Variants in USH2A observed in about 807,000 individuals in gnomAD.
USH2A encodes the protein usherin.
Under a neutral mutation model 538.9 loss-of-function variants are expected in USH2A, and 443 were observed. That is an observed-to-expected ratio of 0.82 (90% CI 0.76 to 0.89). USH2A has a LOEUF of 0.89. Ranked by LOEUF, USH2A falls within the 40% of genes least tolerant of loss-of-function variation. USH2A has a pLI of 0.00. For missense variants in USH2A, 6,633 were observed against 6,324.8 expected (o/e 1.05, Z -1.65); for synonymous variants, 2,413 against 2,273.5 (o/e 1.06, Z -1.75).
At chr1:215,781,822 T>C (rs1055379984) in intron 54 of USH2A, among the ~76,000 whole-genome samples, 2 of 152,200 alleles carry the variant, frequency 1.3e-5, no homozygotes, top group African/African-American at 4.8e-5. Flanking sequence ...TTGTTTTTCA[T>C]TAACACAAGA....
chr1:216,334,566 T>C (rs1046425872), intron 4 of USH2A, among the ~76,000 whole-genome samples: 1 of 151,860 alleles, frequency 6.6e-6, no homozygotes, highest in Non-Finnish European at 1.5e-5. Context: ...TGACCCCCTA[T>C]AGGAGTTCTG....
At chr1:216,014,601 C>T (rs1039370876) in intron 32 of USH2A, among the ~76,000 whole-genome samples, 2 of 152,144 alleles carry the variant, frequency 1.3e-5, no homozygotes, top group Non-Finnish European at 2.9e-5. Context: ...TTGTAAGAGC[C>T]CCTGAGCAAC....
intron 21 of USH2A, among the ~76,000 whole-genome samples, chr1:216,151,388 A>G: frequency 6.6e-6 from 1 of 152,036 alleles, no homozygotes; most frequent in Non-Finnish European, 1.5e-5. Context: ...CTTACCCCCA[A>G]AATTCAATTT....
At chr1:215,882,391 A>T (rs1664934732) in intron 41 of USH2A, among the ~76,000 whole-genome samples, 1 of 152,008 alleles carries the variant, frequency 6.6e-6, no homozygotes, top group Admixed American at 6.6e-5. Context: ...AAAAATTCAT[A>T]CAGAACAAGA....
intron 56 of USH2A, 90 bp from the exon 57 acceptor site, chr1:215,759,933 T>C: frequency 6.7e-7 from 1 of 1,486,968 alleles, no homozygotes. Flanking sequence ...AACTGTGATA[T>C]TTTTTCTGTT....
At position 215,671,269 on chromosome 1, in the gene USH2A, G is replaced by C. The variant is rs772791856; in HGVS notation, c.13836C>G (p.Cys4612Trp). 2 of 1,614,004 alleles carry C rather than the reference G, an allele frequency of 1.2e-6. No homozygotes were observed. Among genetic ancestry groups the C allele is most frequent in the Non-Finnish European group, 1.7e-6 (2 of 1,179,992 alleles). Residue 4612 changes from cysteine (C) to tryptophan (W), a missense_variant, in exon 64 of 72, where the codon TGC becomes TGG. By Grantham distance (215) the Cys-to-Trp change is radical. Coordinates refer to ENST00000307340, the MANE Select transcript of USH2A (RefSeq NM_206933.4). ...FHRYEIRIQA[C>W]TTLGCASSDW... ...CACTTGATGCACATCCCAGGGTGGT[G>C]CACGCTTGAATTCGTATTTCATACC...
intron 59 of USH2A, 66 bp downstream of exon 59, chr1:215,743,111 T>A: frequency 6.4e-7 from 1 of 1,569,262 alleles, no homozygotes. Context: ...TATTCCTTTT[T>A]AATGAAATTT....
At chr1:216,320,961 C>T (rs1316528307) in intron 9 of USH2A, among the ~76,000 whole-genome samples, 1 of 151,856 alleles carries the variant, frequency 6.6e-6, no homozygotes, top group South Asian at 2.1e-4. Context: ...TTCATAGCTC[C>T]AGATGTTTGT....
intron 12 of USH2A, among the ~76,000 whole-genome samples, chr1:216,250,437 A>AT (rs1320859276): frequency 6.6e-6 from 1 of 152,118 alleles, no homozygotes; most frequent in Non-Finnish European, 1.5e-5. Context: ...GTTCAAAGAA[A>AT]TATAACAGAA....
rs1668799540 is a variant in USH2A at position 216,019,618 on chromosome 1, A to G, written c.6326-19056T>C. On this transcript the variant is annotated intron_variant, in intron 32 of 71. Transcript: ENST00000307340. Reference sequence around the variant, plus strand: ...TAAATTCTCTACTGTATGTCTATTTAATAAAAACAACTTGGCAATCAGAAT... The same window carrying G: ...TAAATTCTCTACTGTATGTCTATTTGATAAAAACAACTTGGCAATCAGAAT... 2.6e-5 allele frequency among the ~76,000 whole-genome samples: 4 copies of G among 152,162 alleles called. No homozygotes were observed. The South Asian group carries it at 8.3e-4, about 32-fold the overall frequency.
intron 4 of USH2A, among the ~76,000 whole-genome samples, chr1:216,336,261 C>T (rs1289266229): frequency 6.6e-6 from 1 of 151,300 alleles, no homozygotes; most frequent in Non-Finnish European, 1.5e-5. Context: ...ACTTCCTCAT[C>T]TAATAAAGGG....
chr1:216,370,696 A>AAAAAAAAAAAAAAAAAAAG (rs2038696448), intron 3 of USH2A, among the ~76,000 whole-genome samples: 1 of 150,714 alleles, frequency 6.6e-6, no homozygotes, highest in African/African-American at 2.4e-5. Flanking sequence ...AAAAAAAAAA[A>AAAAAAAAAAAAAAAAAAAG]AAAAAATACT....
At chr1:215,641,967 C>G (rs1037017734) in intron 67 of USH2A, among the ~76,000 whole-genome samples, 9 of 152,152 alleles carry the variant, frequency 5.9e-5, no homozygotes, top group African/African-American at 2.2e-4. Context: ...ACAAGGAATA[C>G]TCTATTGTTA....
At chr1:216,093,576 C>T (rs1276250313) in intron 22 of USH2A, among the ~76,000 whole-genome samples, 1 of 152,150 alleles carries the variant, frequency 6.6e-6, no homozygotes, top group Non-Finnish European at 1.5e-5. Flanking sequence ...GACCCCTTTA[C>T]CCTCCTATCC....
intron 32 of USH2A, among the ~76,000 whole-genome samples, chr1:216,038,804 C>G (rs1263011298): frequency 6.6e-6 from 1 of 151,984 alleles, no homozygotes; most frequent in Admixed American, 6.6e-5. Context: ...AATAACAGGA[C>G]ACCTCTATTT....
chr1:216,353,604 T>G (rs534680742), intron 4 of USH2A, among the ~76,000 whole-genome samples: 1 of 152,130 alleles, frequency 6.6e-6, no homozygotes, highest in Non-Finnish European at 1.5e-5. Flanking sequence ...CCAAGTAATA[T>G]GCACCTTTTT....
rs150982499 is a variant in USH2A at position 216,084,826 on chromosome 1, T to C, written c.5039A>G (p.Lys1680Arg). Residue 1680 changes from lysine to arginine, a missense_variant, in exon 25 of 72, where the codon AAG (lysine) becomes AGG (arginine). Physicochemically the swap from Lys to Arg is conservative, Grantham distance 26. Coordinates refer to ENST00000307340, the MANE Select transcript of USH2A (RefSeq NM_206933.4). ...CCAAATAGCTGACGGATTGTAATTC[T>C]TCATAAAATGTACATCCTTGAGACA... ...VGCLKDVHFM[K>R]NYNPSAIWEP... The C allele has an allele frequency of 1.1e-4, 172 of 1,613,562 alleles. No individual in the cohort carries two copies. The highest frequency in any genetic ancestry group is 8.0e-4 in the Admixed American group (48 of 59,916).
chr1:215,999,150 G>T lies in USH2A; in HGVS notation c.6486-92C>A, dbSNP rs115919961. 1.3e-3 allele frequency: 1,473 copies of T among 1,113,392 alleles called. 16 individuals carry two copies. The African/African-American group carries it at 0.02, about 15-fold the overall frequency. 69.0% of individuals were successfully genotyped at this position (1,113,392 alleles called of 1,614,324 possible). A position where few individuals can be genotyped will look rare whatever the true frequency, so the allele number is the denominator to read the frequency against. ...AGGACACATTTGAACTTGGATTTGT[G>T]ACACTTTTTTAAAAAACATAAATCT... On this transcript the variant is annotated intron_variant, in intron 33 of 71. Coordinates refer to ENST00000307340, the MANE Select transcript of USH2A (RefSeq NM_206933.4).
At chr1:216,279,762 G>T (rs1178977680) in intron 11 of USH2A, among the ~76,000 whole-genome samples, 1 of 152,082 alleles carries the variant, frequency 6.6e-6, no homozygotes, top group Non-Finnish European at 1.5e-5. Context: ...GAAGGTAGCA[G>T]GGATGAAAAA....
Sources: allele counts gnomAD v4.1 joint callset (sites outside exome capture counted in the v4.1 genomes callset), GRCh38; gene constraint gnomAD v4.1.1; transcripts MANE v1.5; gene names NCBI Gene and HGNC (gene_info 2026-07-23, HGNC 2026-07-21).